Variants in ARSF observed in about 807,000 individuals in gnomAD.
The protein encoded by ARSF is arylsulfatase F.
Under a neutral mutation model 35.4 loss-of-function variants are expected in ARSF, and 33 were observed. The ratio of observed to expected loss-of-function variants is 0.93; its 90% CI spans 0.71 to 1.25. The LOEUF is 1.25. Ranked by LOEUF, ARSF falls within the 50% of genes most tolerant of loss-of-function variation. The pLI, the probability that ARSF is intolerant of heterozygous loss-of-function variation, is 0.00. For synonymous variants in ARSF, 222 were observed against 193.1 expected (o/e 1.15, Z -1.24); for missense variants, 501 against 480.2 (o/e 1.04, Z -0.40).
At chrX:3,100,721 T>C (rs1312159624) in intron 7 of ARSF, among the ~76,000 whole-genome samples, 1 of 111,155 alleles carries the variant, frequency 9.0e-6, no homozygotes, top group Non-Finnish European at 1.9e-5. Flanking sequence ...CTCAGCCACC[T>C]GAGTAGCTGG....
rs907120653 is a variant in ARSF, at chrX:3,103,613, G to A, written c.1103-149G>A. ...CACAGGAAAATATAATTCTGTAGACGTGCACTACTTACCCCACTAGGACTC... is the reference window on the plus strand; with the variant it reads ...CACAGGAAAATATAATTCTGTAGACATGCACTACTTACCCCACTAGGACTC... On this transcript the variant is annotated intron_variant, in intron 8 of 10. Transcript: ENST00000381127. 24 of 566,153 alleles carry A rather than the reference G, an allele frequency of 4.2e-5. 1 individual carries two copies. The highest frequency in any genetic ancestry group is 9.0e-5 in the South Asian group (2 of 22,346). 46.7% of individuals were successfully genotyped at this position (566,153 alleles called of 1,213,427 possible). A position where few individuals can be genotyped will look rare whatever the true frequency, so the allele number is the denominator to read the frequency against.
intron 1 of ARSF, among the ~76,000 whole-genome samples, chrX:3,055,342 C>CAAAAAAAAAAAAAAA (rs770014108): frequency 0.011 from 357 of 32,408 alleles, 3 homozygotes; most frequent in Non-Finnish European, 0.015. Context: ...AACTCCATTT[C>CAAAAAAAAAAAAAAA]AAAAAAAAAA....
chrX:3,073,969 C>T (rs2090128375), intron 3 of ARSF, among the ~76,000 whole-genome samples: 4 of 109,661 alleles, frequency 3.6e-5, no homozygotes, highest in Admixed American at 2.0e-4. Flanking sequence ...CATTCTTATA[C>T]TGAGCTTAGG....
rs191126114 is a variant in ARSF at position 3,071,728 on chromosome X, G to A, written c.12-298G>A. Reference sequence around the variant, plus strand: ...GAATCTCCATACTGTTTTCCACAGCGCTTGTACATTCCCACTAACAGTATA... The same window carrying A: ...GAATCTCCATACTGTTTTCCACAGCACTTGTACATTCCCACTAACAGTATA... On this transcript the variant is annotated intron_variant, in intron 2 of 10. Transcript: ENST00000381127. Among the ~76,000 whole-genome samples, 183 of 111,809 alleles carry A rather than the reference G, an allele frequency of 1.6e-3. 1 individual carries two copies. The highest frequency in any genetic ancestry group is 5.4e-3 in the African/African-American group (166 of 30,774).
At chrX:3,067,103 CCCTT>C (rs978485930) in intron 1 of ARSF, among the ~76,000 whole-genome samples, 4 of 106,323 alleles carry the variant, frequency 3.8e-5, no homozygotes, top group African/African-American at 1.4e-4. Context: ...CTCCCTCCCT[CCCTT>C]CCTTTTTCTT....
rs1288078844 is a variant in ARSF, at chrX:3,084,693, T to C, written c.830+27T>C. On this transcript the variant is annotated intron_variant, in intron 6 of 10. Coordinates refer to ENST00000381127, the MANE Select transcript of ARSF (RefSeq NM_001201539.2). ...TAAGCGGAATAATTACAAATTCATG[T>C]AATAATGATAATGATCTCTTTTTTA... 12 of 1,120,202 alleles carry C rather than the reference T, an allele frequency of 1.1e-5. No individual in the cohort carries two copies. The Middle Eastern group carries it at 1.8e-3, about 166-fold the overall frequency. The allele number at this position is 1,120,202 out of a possible 1,213,427, so 92.3% of individuals were successfully genotyped here. A position where few individuals can be genotyped will look rare whatever the true frequency, so the allele number is the denominator to read the frequency against.
At chrX:3,093,134 C>T (rs1274997127) in intron 7 of ARSF, among the ~76,000 whole-genome samples, 1 of 111,707 alleles carries the variant, frequency 9.0e-6, no homozygotes, top group Non-Finnish European at 1.9e-5. Context: ...CACTGCACTC[C>T]AGCCTGGGCA....
At chrX:3,086,801 G>C (rs892199091) in intron 6 of ARSF, among the ~76,000 whole-genome samples, 1 of 111,689 alleles carries the variant, frequency 9.0e-6, no homozygotes, top group African/African-American at 3.3e-5. Flanking sequence ...CTGGGCAACA[G>C]AGTGAGGCCC....
At chrX:3,104,353 C>A (rs1255627587) in intron 9 of ARSF, among the ~76,000 whole-genome samples, 1 of 111,715 alleles carries the variant, frequency 9.0e-6, no homozygotes, top group Non-Finnish European at 1.9e-5. Context: ...TTTCACTTAA[C>A]ATAATGGCCA....
At chrX:3,112,108 T>A (rs2090448948) in intron 10 of ARSF, 66 bp from the exon 11 acceptor site, 2 of 1,007,883 alleles carry the variant, frequency 2.0e-6, no homozygotes, top group African/African-American at 3.8e-5. Flanking sequence ...TATAGAACAC[T>A]AGGACTTCTT....
intron 7 of ARSF, among the ~76,000 whole-genome samples, chrX:3,091,854 G>C (rs756866076): frequency 4.5e-5 from 5 of 110,463 alleles, no homozygotes; most frequent in African/African-American, 1.6e-4. Flanking sequence ...TAGATAGATA[G>C]ATGATGGATG....
chrX:3,062,899 T>C (rs928808333), intron 1 of ARSF, among the ~76,000 whole-genome samples: 2 of 111,798 alleles, frequency 1.8e-5, no homozygotes, highest in Admixed American at 9.5e-5. Flanking sequence ...GTACCATTAC[T>C]TCTGAAACTA....
chrX:3,078,368 C>T (rs895922170), intron 4 of ARSF, among the ~76,000 whole-genome samples: 21 of 109,906 alleles, frequency 1.9e-4, no homozygotes, highest in Non-Finnish European at 2.1e-4. Flanking sequence ...TTTTTAACTA[C>T]TTAGGGTATT....
At chrX:3,060,407 C>T (rs912050380) in intron 1 of ARSF, among the ~76,000 whole-genome samples, 7 of 111,998 alleles carry the variant, frequency 6.3e-5, no homozygotes, top group Non-Finnish European at 1.3e-4. Flanking sequence ...GCCTCTTCTC[C>T]TCCAAAGGGT....
At position 3,073,048 on chromosome X, in the gene ARSF, AATATATTTAAATAAATATATAAAC is replaced by A. The variant is rs1163913940; in HGVS notation, c.161+883_161+906del. Among the ~76,000 whole-genome samples the A allele has an allele frequency of 3.0e-5, 3 of 100,303 alleles. No individual in the cohort carries two copies. In the East Asian group the frequency reaches 8.8e-4, roughly 30 times the overall value. The allele number at this position is 100,303 out of a possible 115,157, so 87.1% of individuals were successfully genotyped here. A position where few individuals can be genotyped will look rare whatever the true frequency, so the allele number is the denominator to read the frequency against. On this transcript the variant is annotated intron_variant, in intron 3 of 10. Transcript: ENST00000381127. ...AATGTATTTTTAAAAATTAAATATA[AATATATTTAAATAAATATATAAAC>A]ATATATTTATATATTTTATAAAAGT...
rs2090057525 is a variant in ARSF, at chrX:3,065,003, C to G, written c.-28-3070C>G. Reference sequence around the variant, plus strand: ...ATGCTGCTATCAAGACATATGCACACTATTCACAATAGCAAAGACTTGGAA... The same window carrying G: ...ATGCTGCTATCAAGACATATGCACAGTATTCACAATAGCAAAGACTTGGAA... On this transcript the variant is annotated intron_variant, in intron 1 of 10. Coordinates refer to ENST00000381127, the MANE Select transcript of ARSF (RefSeq NM_001201539.2). Among the ~76,000 whole-genome samples the G allele has an allele frequency of 5.4e-5, 6 of 111,079 alleles. No individual in the cohort carries two copies. In the Admixed American group the frequency reaches 5.8e-4, roughly 11 times the overall value.
At chrX:3,096,556 A>C (rs2090339330) in intron 7 of ARSF, among the ~76,000 whole-genome samples, 1 of 112,032 alleles carries the variant, frequency 8.9e-6, no homozygotes, top group African/African-American at 3.2e-5. Context: ...ACTTTCCAGA[A>C]ACATCTGATG....
intron 4 of ARSF, among the ~76,000 whole-genome samples, chrX:3,080,177 A>G (rs900916617): frequency 9.0e-6 from 1 of 110,661 alleles, no homozygotes; most frequent in African/African-American, 3.3e-5. Context: ...GACGAGAAGA[A>G]AGAAAAGGTC....
chrX:3,070,680 G>T (rs2090096616), intron 2 of ARSF, among the ~76,000 whole-genome samples: 1 of 111,181 alleles, frequency 9.0e-6, no homozygotes, highest in Admixed American at 9.6e-5. Context: ...CCCATCCCCT[G>T]AGCAGTGTAC....
Sources: allele counts gnomAD v4.1 joint callset (sites outside exome capture counted in the v4.1 genomes callset), GRCh38; gene constraint gnomAD v4.1.1; transcripts MANE v1.5; gene names NCBI Gene and HGNC (gene_info 2026-07-23, HGNC 2026-07-21).